The following RANBP9 variants were observed in gnomAD, a reference collection of about 807,000 sequenced individuals.
The protein encoded by RANBP9 is ran-binding protein 9.
RANBP9 carries 15 observed loss-of-function variants against 84.3 expected under a neutral mutation model. That is an observed-to-expected ratio of 0.18 (90% CI 0.12 to 0.27). The LOEUF (loss-of-function observed/expected upper bound fraction) is 0.27. Among genes scored for constraint, RANBP9 ranks in the 10% least tolerant of loss-of-function variants. RANBP9 has a pLI of 1.00. For synonymous variants in RANBP9, 392 were observed against 349.6 expected (o/e 1.12, Z -1.35); for missense variants, 809 against 912.8 (o/e 0.89, Z 1.46).
chr6:13,697,448 A>G (rs1327836657), intron 1 of RANBP9, among the ~76,000 whole-genome samples: 1 of 152,250 alleles, frequency 6.6e-6, no homozygotes, highest in Non-Finnish European at 1.5e-5. Flanking sequence ...GCTGATTCAT[A>G]AAATCTCTTG....
rs777023849 is a variant in RANBP9, at chr6:13,696,871, G to T, written c.597C>A (p.Ala199=). 23 of 1,612,822 alleles carry T rather than the reference G, an allele frequency of 1.4e-5. No homozygotes were observed. The highest frequency in any genetic ancestry group is 2.0e-5 in the Non-Finnish European group (23 of 1,179,368). The part of the protein sequence containing the change: ...YKGHGKTPKD[A]ASVRATHPIP... ...TTGGATGCGTGGCTCGAACTGACGC[G>T]GCATCTTTTGGGGTTTTGCCATGAC... is the stretch of plus-strand genomic sequence containing the variant. Residue 199 remains alanine (A), a synonymous_variant, in exon 2 of 14, where the codon GCC becomes GCA. Coordinates refer to ENST00000011619, the MANE Select transcript of RANBP9 (RefSeq NM_005493.3).
intron 1 of RANBP9, among the ~76,000 whole-genome samples, chr6:13,702,438 TTTTA>T (rs1757998716): frequency 6.6e-6 from 1 of 152,186 alleles, no homozygotes. Flanking sequence ...GGCTAATCAA[TTTTA>T]TTTGTTAAAA....
intron 3 of RANBP9, 145 bp downstream of exon 3, chr6:13,658,635 C>A (rs1331564165): frequency 2.7e-6 from 2 of 732,482 alleles, no homozygotes; most frequent in African/African-American, 3.6e-5. Context: ...CAAAAAAACC[C>A]CACTCAGCTT....
chr6:13,702,705 C>T (rs1328583446), intron 1 of RANBP9, among the ~76,000 whole-genome samples: 1 of 152,068 alleles, frequency 6.6e-6, no homozygotes, highest in African/African-American at 2.4e-5. Context: ...ACTCCACTAT[C>T]AGCCGTTAAA....
intron 1 of RANBP9, among the ~76,000 whole-genome samples, chr6:13,708,665 T>A (rs1470450196): frequency 6.6e-6 from 1 of 152,184 alleles, no homozygotes; most frequent in Admixed American, 6.5e-5. Context: ...TAAATAAAAA[T>A]TCACTCTTCT....
At chr6:13,686,333 T>G (rs1766187015) in intron 2 of RANBP9, among the ~76,000 whole-genome samples, 1 of 152,054 alleles carries the variant, frequency 6.6e-6, no homozygotes, top group Non-Finnish European at 1.5e-5. Flanking sequence ...TTGCCCAAGC[T>G]GGAGTGCAGC....
At chr6:13,689,181 A>G (rs1766267267) in intron 2 of RANBP9, among the ~76,000 whole-genome samples, 1 of 151,614 alleles carries the variant, frequency 6.6e-6, no homozygotes, top group East Asian at 1.9e-4. Context: ...CAAAACAAAA[A>G]ACTGAAAGCT....
rs1194985960 is a variant in RANBP9, at chr6:13,639,654, A to C, written c.1434T>G (p.Pro478=). 6.2e-7 allele frequency: 1 copy of C among 1,612,964 alleles called. No individual in the cohort carries two copies. The highest frequency in any genetic ancestry group is 8.5e-7 in the Non-Finnish European group (1 of 1,178,928). The change falls in exon 9 of 14, where the codon CCT becomes CCG. Residue 478 remains proline, a synonymous_variant. Coordinates refer to ENST00000011619, the MANE Select transcript of RANBP9 (RefSeq NM_005493.3). ...TCATACTTGGACTACTAAAAGGTCG[A>C]GGACTAACAGGATAACTGTCTTGAG... The part of the protein sequence containing the change: ...PKSQDSYPVS[P]RPFSSPSMSP...
chr6:13,641,378 A>T, intron 7 of RANBP9, 71 bp from the exon 8 acceptor site: 1 of 873,744 alleles, frequency 1.1e-6, no homozygotes, highest in African/African-American at 1.8e-5. Context: ...GTGACCTCAG[A>T]AAAGAAAGTT....
chr6:13,625,225 C>T (rs567715988), intron 13 of RANBP9, among the ~76,000 whole-genome samples: 53 of 152,222 alleles, frequency 3.5e-4, no homozygotes, highest in Non-Finnish European at 6.6e-4. Context: ...AGCAGCCAAA[C>T]GAGAGAATGC....
chr6:13,674,398 G>GA (rs1283484058), intron 2 of RANBP9, among the ~76,000 whole-genome samples: 1 of 152,118 alleles, frequency 6.6e-6, no homozygotes, highest in Non-Finnish European at 1.5e-5. Context: ...TCAGAACAAG[G>GA]AAAATTATCG....
At chr6:13,665,383 A>T (rs906394683) in intron 2 of RANBP9, among the ~76,000 whole-genome samples, 1 of 152,208 alleles carries the variant, frequency 6.6e-6, no homozygotes, top group Admixed American at 6.5e-5. Flanking sequence ...GAGTACATGA[A>T]AAAGTGCTCC....
chr6:13,666,232 AAAGACT>A (rs929920406), intron 2 of RANBP9, among the ~76,000 whole-genome samples: 13 of 152,172 alleles, frequency 8.5e-5, no homozygotes, highest in African/African-American at 3.1e-4. Flanking sequence ...GAAATGTATC[AAAGACT>A]AAGACGGATC....
intron 2 of RANBP9, among the ~76,000 whole-genome samples, chr6:13,684,844 T>C (rs771388302): frequency 5.9e-5 from 9 of 152,122 alleles, no homozygotes; most frequent in Non-Finnish European, 1.2e-4. Flanking sequence ...TGTTTGGAGG[T>C]GAAAAGGCTG....
chr6:13,651,581 T>C (rs1420718685), intron 5 of RANBP9, among the ~76,000 whole-genome samples: 1 of 151,612 alleles, frequency 6.6e-6, no homozygotes, highest in Non-Finnish European at 1.5e-5. Flanking sequence ...TTTTTTTTTT[T>C]AGTAGAGACG....
rs1758297678 is a variant in RANBP9, at chr6:13,711,807, C to T, written c.-302G>A. Among the ~76,000 whole-genome samples the T allele has an allele frequency of 6.8e-6, 1 of 146,114 alleles. No individual in the cohort carries two copies. The highest frequency in any genetic ancestry group is 2.5e-5 in the African/African-American group (1 of 40,696). On this transcript the variant is annotated 5_prime_UTR_variant, in exon 1 of 14. Transcript: ENST00000011619. ...CGGGAGGGGAAGGCGCGCTGGCGGC[C>T]GCCGCGGCCGCTGCTCTCGCGGCTG...
At chr6:13,634,193 C>T (rs538005322) in intron 11 of RANBP9, among the ~76,000 whole-genome samples, 424 of 152,226 alleles carry the variant, frequency 2.8e-3, no homozygotes, top group African/African-American at 9.8e-3. Flanking sequence ...TTAGTGACAG[C>T]GCTAAACCTG....
rs569822151 is a variant in RANBP9, at chr6:13,711,655, C to T, written c.-150G>A. The T allele has an allele frequency of 4.5e-6, 3 of 661,738 alleles. No homozygotes were observed. Among genetic ancestry groups the T allele is most frequent in the East Asian group, 8.7e-5 (2 of 23,060 alleles). 41.0% of individuals were successfully genotyped at this position (661,738 alleles called of 1,614,324 possible). A position where few individuals can be genotyped will look rare whatever the true frequency, so the allele number is the denominator to read the frequency against. ...GCGGGCCGCGCGCCCAGGGAGACCGCGGCGGTTGAGGAGCTCGGAGACGCG... is the reference window on the plus strand; with the variant it reads ...GCGGGCCGCGCGCCCAGGGAGACCGTGGCGGTTGAGGAGCTCGGAGACGCG... On this transcript the variant is annotated 5_prime_UTR_variant, in exon 1 of 14. Transcript: ENST00000011619.
At chr6:13,709,431 T>C (rs1279370449) in intron 1 of RANBP9, among the ~76,000 whole-genome samples, 1 of 152,238 alleles carries the variant, frequency 6.6e-6, no homozygotes, top group Non-Finnish European at 1.5e-5. Context: ...ACCATAAATT[T>C]AAAATTATAA....
Sources: gnomAD v4.1 joint callset for allele counts (sites outside exome capture counted in the v4.1 genomes callset) on GRCh38, gnomAD v4.1.1 for gene constraint, MANE v1.5 for transcripts, NCBI Gene and HGNC (gene_info 2026-07-23, HGNC 2026-07-21) for gene names.